The following PIP5K1C variants were observed in gnomAD, a reference collection of about 807,000 sequenced individuals.
The protein encoded by PIP5K1C is phosphatidylinositol-4-phosphate 5-kinase type 1 gamma, also known as phosphatidylinositol 4-phosphate 5-kinase type-1 gamma.
In PIP5K1C, 45 loss-of-function variants were observed where a neutral mutation model predicts 80.1. The observed-to-expected ratio is 0.56, with a 90% CI of 0.44 to 0.72. PIP5K1C has a LOEUF of 0.72. Among genes scored for constraint, PIP5K1C ranks in the 30% least tolerant of loss-of-function variants. The pLI, the probability that PIP5K1C is intolerant of heterozygous loss-of-function variation, is 0.00. For missense variants in PIP5K1C, 753 were observed against 954.6 expected (o/e 0.79, Z 2.78); for synonymous variants, 498 against 420.1 (o/e 1.19, Z -2.27).
At chr19:3,694,400 A>G (rs534518302) in intron 1 of PIP5K1C, among the ~76,000 whole-genome samples, 1 of 152,118 alleles carries the variant, frequency 6.6e-6, no homozygotes, top group South Asian at 2.1e-4. Context: ...CACCTGCCAC[A>G]GTGCCTGGGC....
chr19:3,666,582 C>T lies in PIP5K1C; in HGVS notation c.126+740G>A, dbSNP rs568862244. Among the ~76,000 whole-genome samples, 6 of 152,214 alleles carry T rather than the reference C, an allele frequency of 3.9e-5. No homozygotes were observed. In the South Asian group the frequency reaches 1.2e-3, roughly 32 times the overall value. The stretch of plus-strand genomic sequence containing the variant: ...GCAAACACACATGCACTCAGGCAAA[C>T]ATGAACACAGGCAAACACGTGCACA... On this transcript the variant is annotated intron_variant, in intron 2 of 17. Coordinates refer to ENST00000335312, the MANE Select transcript of PIP5K1C (RefSeq NM_012398.3).
intron 1 of PIP5K1C, among the ~76,000 whole-genome samples, chr19:3,668,907 C>T (rs2035109368): frequency 6.6e-6 from 1 of 152,188 alleles, no homozygotes; most frequent in Non-Finnish European, 1.5e-5. Flanking sequence ...AGCCACGCTG[C>T]ACGGATAACA....
At chr19:3,643,015 C>CGCCTGCCTACCT in intron 13 of PIP5K1C, 76 bp from the exon 14 acceptor site, 1 of 1,561,276 alleles carries the variant, frequency 6.4e-7, no homozygotes. Context: ...CTTGCCTACC[C>CGCCTGCCTACCT]GCCTGCCTAC....
At chr19:3,671,790 C>T (rs539338112) in intron 1 of PIP5K1C, among the ~76,000 whole-genome samples, 1 of 152,332 alleles carries the variant, frequency 6.6e-6, no homozygotes, top group Non-Finnish European at 1.5e-5. Context: ...AATCCTCGCT[C>T]CCCATGAGGC....
chr19:3,656,243 G>A (rs896735892), intron 6 of PIP5K1C, among the ~76,000 whole-genome samples, 162 bp downstream of exon 6: 1 of 152,180 alleles, frequency 6.6e-6, no homozygotes, highest in African/African-American at 2.4e-5. Context: ...TGCTGGTGAA[G>A]CCTGACGGGG....
At chr19:3,645,618 A>G (rs2034181509) in intron 11 of PIP5K1C, among the ~76,000 whole-genome samples, 1 of 152,046 alleles carries the variant, frequency 6.6e-6, no homozygotes, top group South Asian at 2.1e-4. Context: ...ACTGTGAGCT[A>G]TCTGCTGAGT....
chr19:3,679,642 T>C (rs1600069153), intron 1 of PIP5K1C, among the ~76,000 whole-genome samples: 1 of 151,120 alleles, frequency 6.6e-6, no homozygotes, highest in Non-Finnish European at 1.5e-5. Flanking sequence ...TCCAGAGGGG[T>C]CCTCAGCTGT....
In PIP5K1C at chr19:3,661,092, G is replaced by A. The variant is rs2034818275; in HGVS notation, c.351-9C>T. The A allele has an allele frequency of 6.2e-7, 1 of 1,604,074 alleles. No individual in the cohort carries two copies. Among genetic ancestry groups the A allele is most frequent in the African/African-American group, 1.3e-5 (1 of 74,804 alleles). ...TGAGGTTGCTGCCTTCGCTGTGGAG[G>A]AAGGACGGGAGGAAACCTGTGAGGG... On this transcript the variant is annotated splice_polypyrimidine_tract_variant and intron_variant, in intron 4 of 17. Transcript: ENST00000335312.
At chr19:3,647,742 T>A (rs978417886) in intron 9 of PIP5K1C, among the ~76,000 whole-genome samples, 23 of 151,790 alleles carry the variant, frequency 1.5e-4, no homozygotes, top group Non-Finnish European at 2.9e-5. Flanking sequence ...AGATCAGGAG[T>A]TCAAGACCAG....
At position 3,688,096 on chromosome 19, in the gene PIP5K1C, G is replaced by T. The variant is rs1346440652; in HGVS notation, c.94+12201C>A. Among the ~76,000 whole-genome samples the T allele has an allele frequency of 6.6e-6, 1 of 152,176 alleles. No individual in the cohort carries two copies. The highest frequency in any genetic ancestry group is 1.9e-4 in the East Asian group (1 of 5,170). ...CCAGCCCCTGGGGGAAGCCCGGCCC[G>T]TGCGGGCTGCGGGAGATCCTGATGG... On this transcript the variant is annotated intron_variant, in intron 1 of 17. Coordinates refer to ENST00000335312, the MANE Select transcript of PIP5K1C (RefSeq NM_012398.3). This position sits in a 1 kb window ranked among gnomAD's most constrained non-coding sequence, Gnocchi z 5.3.
chr19:3,640,243 G>T (rs1240554049), intron 15 of PIP5K1C, among the ~76,000 whole-genome samples: 1 of 152,232 alleles, frequency 6.6e-6, no homozygotes, highest in South Asian at 2.1e-4. Flanking sequence ...GGGCCGCCAC[G>T]GGGCTCACGC....
At chr19:3,684,448 T>C (rs566788092) in intron 1 of PIP5K1C, among the ~76,000 whole-genome samples, 1 of 152,206 alleles carries the variant, frequency 6.6e-6, no homozygotes, top group African/African-American at 2.4e-5. Flanking sequence ...AGAAGTGACA[T>C]GGGGGGAATT....
At chr19:3,685,616 G>A (rs1209331640) in intron 1 of PIP5K1C, among the ~76,000 whole-genome samples, 2 of 151,976 alleles carry the variant, frequency 1.3e-5, no homozygotes, top group South Asian at 4.2e-4. Context: ...TGTAGTCCCA[G>A]CTACTCGGGA....
At position 3,632,422 on chromosome 19, in the gene PIP5K1C, T is replaced by C. The variant is rs2033496168; in HGVS notation, c.*745A>G. The C allele has an allele frequency of 6.6e-6, 1 of 152,218 alleles. No individual in the cohort carries two copies. Among genetic ancestry groups the C allele is most frequent in the African/African-American group, 2.4e-5 (1 of 41,388 alleles). The allele number at this position is 152,218 out of a possible 1,614,324, so 9.4% of individuals were successfully genotyped here. On this transcript the variant is annotated 3_prime_UTR_variant, in exon 18 of 18. Transcript: ENST00000335312. ...CAGCCCTGAGCTCCGCCAGCGTGGG[T>C]GGCAGCCTGGGGAAGAGGAGGCCTG...
chr19:3,673,478 A>C (rs930920443), intron 1 of PIP5K1C, among the ~76,000 whole-genome samples: 3 of 152,192 alleles, frequency 2.0e-5, no homozygotes, highest in Admixed American at 6.5e-5. Flanking sequence ...AAGGCCAGTG[A>C]GAAAGGGGCG....
chr19:3,679,916 T>C (rs2035534209), intron 1 of PIP5K1C, among the ~76,000 whole-genome samples: 1 of 152,218 alleles, frequency 6.6e-6, no homozygotes, highest in Non-Finnish European at 1.5e-5. Flanking sequence ...CAAGAAACTT[T>C]CTGCAGCAAA....
Position 3,661,974 on chromosome 19 carries a change from T to C in PIP5K1C, c.247A>G (p.Ile83Val). 4 of 1,607,270 alleles carry C rather than the reference T, an allele frequency of 2.5e-6. No individual in the cohort carries two copies. Among genetic ancestry groups the C allele is most frequent in the Non-Finnish European group, 2.5e-6 (3 of 1,177,908 alleles). ...KTTSSTLKGA[I>V]QLGIGYTVGH... ...ACGGTGTAGCCGATGCCCAGCTGGA[T>C]GGCACCCTTCAGGGTGGAGGAGGTG... The change falls in exon 4 of 18, where the codon ATC becomes GTC. Residue 83 changes from isoleucine to valine, a missense_variant. Physicochemically the swap from Ile to Val is conservative, Grantham distance 29. Around this residue, in one of 6 missense-constraint regions of PIP5K1C, gnomAD observed 139 missense variants for 289.7 expected, o/e 0.48. Coordinates refer to ENST00000335312, the MANE Select transcript of PIP5K1C (RefSeq NM_012398.3).
intron 1 of PIP5K1C, among the ~76,000 whole-genome samples, chr19:3,669,362 G>A (rs963509720): frequency 1.4e-4 from 22 of 152,354 alleles, no homozygotes; most frequent in African/African-American, 4.8e-4. Flanking sequence ...GGTGAGCAGG[G>A]GAGGCCAGGA....
rs542068564 is a variant in PIP5K1C, at chr19:3,648,758, C to T, written c.1128-50G>A. On this transcript the variant is annotated intron_variant, in intron 8 of 17. Coordinates refer to ENST00000335312, the MANE Select transcript of PIP5K1C (RefSeq NM_012398.3). This position sits in a 1 kb window ranked among gnomAD's most constrained non-coding sequence, Gnocchi z 4.3. The stretch of plus-strand genomic sequence containing the variant: ...ATCAGCATCCCGCAGAGCTGGGACT[C>T]GGGGCAGGCGGGGCTGGGGACTCCA... 57 of 1,502,852 alleles carry T rather than the reference C, an allele frequency of 3.8e-5. No homozygotes were observed. The highest frequency in any genetic ancestry group is 2.9e-4 in the East Asian group (13 of 44,254). The allele number at this position is 1,502,852 out of a possible 1,614,324, so 93.1% of individuals were successfully genotyped here.
Sources: gnomAD v4.1 joint callset for allele counts (sites outside exome capture counted in the v4.1 genomes callset) on GRCh38, gnomAD v4.1.1 for gene constraint, gnomAD v4.1.1 regional missense constraint, Gnocchi (gnomAD v3.1) non-coding constraint, MANE v1.5 for transcripts, NCBI Gene and HGNC (gene_info 2026-07-23, HGNC 2026-07-21) for gene names.